The following RPH3A variants were observed in gnomAD, a reference collection of about 807,000 sequenced individuals.
RPH3A encodes the protein rabphilin-3A.
In RPH3A, 48 loss-of-function variants were observed where a neutral mutation model predicts 102.2. The ratio of observed to expected loss-of-function variants is 0.47; its 90% CI spans 0.37 to 0.60. The LOEUF is 0.60. RPH3A is among the 20% of genes least tolerant of loss of function. The pLI, the probability that RPH3A is intolerant of heterozygous loss-of-function variation, is 0.00. For synonymous variants in RPH3A, 310 were observed against 324.3 expected (o/e 0.96, Z 0.47); for missense variants, 781 against 910.1 (o/e 0.86, Z 1.83).
intron 1 of RPH3A, among the ~76,000 whole-genome samples, chr12:112,679,945 A>G (rs144424798): frequency 2.2e-4 from 33 of 152,366 alleles, no homozygotes; most frequent in African/African-American, 7.9e-4. Flanking sequence ...CCGGCTTTGG[A>G]CAGGGCTGTC....
At chr12:112,674,264 C>G (rs1429269681) in intron 1 of RPH3A, among the ~76,000 whole-genome samples, 1 of 152,048 alleles carries the variant, frequency 6.6e-6, no homozygotes, top group African/African-American at 2.4e-5. Context: ...TGCTGTGTTG[C>G]TCAGGCTGGC....
Position 112,896,687 on chromosome 12 carries a change from C to T in RPH3A, c.1992C>T (p.Arg664=). 1 of 1,614,094 alleles carries T rather than the reference C, an allele frequency of 6.2e-7. No individual in the cohort carries two copies. Among genetic ancestry groups the T allele is most frequent in the Non-Finnish European group, 8.5e-7 (1 of 1,180,012 alleles). Residue 664 remains arginine, a synonymous_variant, in exon 22 of 22, where the codon CGC becomes CGT. Coordinates refer to ENST00000389385, the MANE Select transcript of RPH3A (RefSeq NM_001143854.2). ...TGGGGATCTCTGCCAAGGGAGAGCGCTTAAAACACTGGTACGAGTGTCTGA... is the reference window on the plus strand; with the variant it reads ...TGGGGATCTCTGCCAAGGGAGAGCGTTTAAAACACTGGTACGAGTGTCTGA... ...CQLGISAKGE[R]LKHWYECLKN...
intron 1 of RPH3A, among the ~76,000 whole-genome samples, chr12:112,684,482 G>T (rs2040249140): frequency 6.6e-6 from 1 of 151,686 alleles, no homozygotes; most frequent in African/African-American, 2.4e-5. Flanking sequence ...TGGCCAGGCT[G>T]GTCTCACATT....
chr12:112,821,777 T>C (rs2041784517), intron 2 of RPH3A, among the ~76,000 whole-genome samples: 1 of 152,248 alleles, frequency 6.6e-6, no homozygotes, highest in South Asian at 2.1e-4. Flanking sequence ...CTAGAAGGTA[T>C]GTTCCATGAG....
chr12:112,597,049 A>G (rs2039522433), intron 1 of RPH3A, among the ~76,000 whole-genome samples: 1 of 152,186 alleles, frequency 6.6e-6, no homozygotes, highest in Non-Finnish European at 1.5e-5. Context: ...CAGAAGGAAG[A>G]CACATTAACC....
rs2042253915 is a variant in RPH3A, at chr12:112,847,699, C to G, written c.87C>G (p.Leu29=). 2 of 1,613,618 alleles carry G rather than the reference C, an allele frequency of 1.2e-6. No homozygotes were observed. Among genetic ancestry groups the G allele is most frequent in the Non-Finnish European group, 1.7e-6 (2 of 1,179,864 alleles). ...RPLQSNDKEQ[L]QAGWSVHPGG... ...ACCTTCCCAAATTTCCTTTCAGGCTCCAGGCAGGCTGGTCCGTCCACCCCG... is the reference window on the plus strand; with the variant it reads ...ACCTTCCCAAATTTCCTTTCAGGCTGCAGGCAGGCTGGTCCGTCCACCCCG... The change falls in exon 5 of 22, where the codon CTC becomes CTG. Residue 29 remains leucine, a synonymous_variant. Transcript: ENST00000389385.
At chr12:112,729,578 C>T (rs1041455630) in intron 1 of RPH3A, among the ~76,000 whole-genome samples, 1 of 152,108 alleles carries the variant, frequency 6.6e-6, no homozygotes, top group African/African-American at 2.4e-5. Flanking sequence ...TGTCACATAG[C>T]CATTACACTG....
intron 1 of RPH3A, among the ~76,000 whole-genome samples, chr12:112,699,153 T>C (rs2040374054): frequency 1.3e-5 from 2 of 152,196 alleles, no homozygotes; most frequent in Admixed American, 1.3e-4. Context: ...ACTCCTAGGC[T>C]CCAGCAATCC....
intron 2 of RPH3A, among the ~76,000 whole-genome samples, chr12:112,799,391 A>C (rs779489881): frequency 3.3e-5 from 5 of 152,174 alleles, no homozygotes; most frequent in Non-Finnish European, 7.3e-5. Flanking sequence ...CTGTGTCTAA[A>C]ACAAAACAAA....
intron 1 of RPH3A, among the ~76,000 whole-genome samples, chr12:112,655,563 C>A (rs193149000): frequency 1.8e-5 from 1 of 55,584 alleles, no homozygotes. Context: ...TTTTGTTGGT[C>A]TTTTTTTTTT....
At chr12:112,602,838 A>G (rs7297887) in intron 1 of RPH3A, among the ~76,000 whole-genome samples, 3,947 of 152,238 alleles carry the variant, frequency 0.026, 171 homozygotes, top group African/African-American at 0.09. Context: ...CAGAAAGGAA[A>G]TATCTTTTCT....
At chr12:112,716,599 G>T (rs1354778028) in intron 1 of RPH3A, among the ~76,000 whole-genome samples, 2 of 152,198 alleles carry the variant, frequency 1.3e-5, no homozygotes, top group East Asian at 3.8e-4. Context: ...TCTGTTAAAG[G>T]CACAAGTTGG....
At chr12:112,762,626 C>T (rs2040861190) in intron 1 of RPH3A, among the ~76,000 whole-genome samples, 2 of 152,110 alleles carry the variant, frequency 1.3e-5, no homozygotes. Flanking sequence ...TGTTACTGGC[C>T]TCAGATATGG....
intron 15 of RPH3A, among the ~76,000 whole-genome samples, chr12:112,882,818 G>A (rs2042937218): frequency 6.6e-6 from 1 of 152,160 alleles, no homozygotes. Context: ...TTGTCACCAG[G>A]CCACCTCTTC....
intron 13 of RPH3A, among the ~76,000 whole-genome samples, chr12:112,877,505 T>C (rs947328705): frequency 4.0e-5 from 6 of 150,990 alleles, no homozygotes; most frequent in East Asian, 2.0e-4. Flanking sequence ...GGGGCAGACT[T>C]TGTGAGCTGG....
intron 1 of RPH3A, among the ~76,000 whole-genome samples, chr12:112,712,964 T>TTCTTCTTCTTCTTCTTC (rs1417742814): frequency 2.8e-5 from 2 of 70,280 alleles, no homozygotes; most frequent in African/African-American, 1.1e-4. Flanking sequence ...CTTCTTCTTC[T>TTCTTCTTCTTCTTCTTC]TTCTTCTTCT....
At chr12:112,734,058 C>A (rs1017174693) in intron 1 of RPH3A, among the ~76,000 whole-genome samples, 1 of 152,094 alleles carries the variant, frequency 6.6e-6, no homozygotes, top group Admixed American at 6.6e-5. Flanking sequence ...ATGAAAAAAA[C>A]GAGGTCCAAA....
intron 1 of RPH3A, among the ~76,000 whole-genome samples, chr12:112,746,191 C>T (rs905593147): frequency 6.6e-6 from 1 of 152,130 alleles, no homozygotes. Context: ...CTCTTGAACA[C>T]CTACTATGCG....
intron 1 of RPH3A, among the ~76,000 whole-genome samples, chr12:112,737,905 T>C (rs1028033441): frequency 1.3e-5 from 2 of 152,198 alleles, no homozygotes; most frequent in Admixed American, 6.5e-5. Context: ...AGTGTCTTAC[T>C]TTCCTGAGGC....
Sources: gnomAD v4.1 joint callset for allele counts (sites outside exome capture counted in the v4.1 genomes callset) on GRCh38, gnomAD v4.1.1 for gene constraint, MANE v1.5 for transcripts, NCBI Gene and HGNC (gene_info 2026-07-23, HGNC 2026-07-21) for gene names.